RBM39: variants seen among roughly 807,000 people sequenced by gnomAD.
RBM39 encodes RNA binding motif protein 39.
RBM39 carries 12 observed loss-of-function variants against 79.6 expected under a neutral mutation model. That is an observed-to-expected ratio of 0.15 (90% CI 0.10 to 0.24). The LOEUF is 0.24. RBM39 is among the 10% of genes least tolerant of loss of function. RBM39 has a pLI of 1.00. For missense variants in RBM39, 243 were observed against 653.4 expected, an observed-to-expected ratio of 0.37 and a Z score of 6.85; for synonymous variants, 185 against 208.4, an observed-to-expected ratio of 0.89 and a Z score of 0.97.
intron 3 of RBM39, chr20:35,732,367 C>T (rs2039466061): frequency 3.7e-6 from 2 of 535,120 alleles, no homozygotes; most frequent in South Asian, 4.5e-5. Flanking sequence ...ACCAGTCTGG[C>T]CAATGTAGTG....
intron 10 of RBM39, among the ~76,000 whole-genome samples, chr20:35,714,905 T>C (rs2036912213): frequency 6.6e-6 from 1 of 152,134 alleles, no homozygotes; most frequent in South Asian, 2.1e-4. Flanking sequence ...CAATGGCTTA[T>C]CTGGAGAAAA....
At position 35,703,144 on chromosome 20, in the gene RBM39, T is replaced by TGAAGA. The variant is rs1451350789; in HGVS notation, c.*1332_*1336dup. The TGAAGA allele has an allele frequency of 2.0e-5, 3 of 152,118 alleles. No homozygotes were observed. The highest frequency in any genetic ancestry group is 7.2e-5 in the African/African-American group (3 of 41,424). 9.4% of individuals were successfully genotyped at this position (152,118 alleles called of 1,614,324 possible). A position where few individuals can be genotyped will look rare whatever the true frequency, so the allele number is the denominator to read the frequency against. ...AAAGATTTACCAAGAGATAAACAGT[T>TGAAGA]GAAGAGAATTGAGTATAAATGGTGA... On this transcript the variant is annotated 3_prime_UTR_variant, in exon 17 of 17. Transcript: ENST00000253363.
intron 3 of RBM39, chr20:35,734,792 A>T (rs1395469797): frequency 7.4e-7 from 1 of 1,360,068 alleles, no homozygotes; most frequent in Admixed American, 3.6e-5. Context: ...GAAAACTACA[A>T]GGGTGCAAGA....
At position 35,703,905 on chromosome 20, in the gene RBM39, CAT is replaced by C. The variant is rs762748651; in HGVS notation, c.*574_*575del. On this transcript the variant is annotated 3_prime_UTR_variant, in exon 17 of 17. Transcript: ENST00000253363. ...TGGAATTTTAAGACACACCAGAACA[CAT>C]AGTATTTACAAAGAAACTTTTACAG... The C allele has an allele frequency of 6.6e-6, 1 of 152,434 alleles. No individual in the cohort carries two copies. Among genetic ancestry groups the C allele is most frequent in the African/African-American group, 2.4e-5 (1 of 41,446 alleles). 9.4% of individuals were successfully genotyped at this position (152,434 alleles called of 1,614,324 possible).
chr20:35,732,296 T>C, intron 3 of RBM39, 161 bp from the exon 4 acceptor site: 2 of 615,434 alleles, frequency 3.2e-6, no homozygotes, highest in Non-Finnish European at 5.5e-6. Context: ...AAAAAAAAAA[T>C]CCTGTAATCT....
chr20:35,726,893 T>C (rs544943622), intron 6 of RBM39, among the ~76,000 whole-genome samples: 41 of 152,298 alleles, frequency 2.7e-4, no homozygotes, highest in African/African-American at 9.6e-4. Flanking sequence ...TGGTGTGATC[T>C]TGGCTCATCA....
chr20:35,706,893 G>A (rs2035797064), intron 14 of RBM39, among the ~76,000 whole-genome samples: 1 of 151,940 alleles, frequency 6.6e-6, no homozygotes, highest in Admixed American at 6.6e-5. Flanking sequence ...CAGGTGTGGT[G>A]GCGCATGCCT....
intron 15 of RBM39, 58 bp downstream of exon 15, chr20:35,705,167 C>T (rs936073832): frequency 3.0e-6 from 3 of 1,013,114 alleles, no homozygotes; most frequent in Non-Finnish European, 4.4e-6. Flanking sequence ...ACATAATGTG[C>T]GAAGATTAAG....
intron 6 of RBM39, among the ~76,000 whole-genome samples, chr20:35,728,451 TATTTTAATTAAAATA>T: frequency 6.6e-6 from 1 of 152,198 alleles, no homozygotes; most frequent in African/African-American, 2.4e-5. Flanking sequence ...GCAAAAAGTT[TATTTTAATTAAAATA>T]GGAAAATAAG....
At chr20:35,708,002 A>G in intron 13 of RBM39, 1 of 418,150 alleles carries the variant, frequency 2.4e-6, no homozygotes, top group Non-Finnish European at 4.9e-6. Flanking sequence ...GCTAAGGATA[A>G]AACAGTGCAT....
At position 35,716,825 on chromosome 20, in the gene RBM39, TTAC is replaced by T; in HGVS notation, c.826-23_826-21del. ...TTCAATCTATAATTGAAAAGCATAA[TTAC>T]TATAACTTAAAAGCAGAGTACAAAA... On this transcript the variant is annotated intron_variant, in intron 9 of 16. Coordinates refer to ENST00000253363, the MANE Select transcript of RBM39 (RefSeq NM_184234.3). The T allele has an allele frequency of 6.5e-7, 1 of 1,540,968 alleles. No individual in the cohort carries two copies. Among genetic ancestry groups the T allele is most frequent in the Non-Finnish European group, 8.9e-7 (1 of 1,125,544 alleles).
rs775386706 is a variant in RBM39, at chr20:35,714,396, GATA to G, written c.892-10_892-8del. The stretch of plus-strand genomic sequence containing the variant: ...CACATTCTGAGTCAGAAAACTACAT[GATA>G]GGGGAGGCAAGGACAGGAGACAGTG... On this transcript the variant is annotated splice_polypyrimidine_tract_variant and splice_region_variant and intron_variant, in intron 10 of 16. Transcript: ENST00000253363. 1.2e-6 allele frequency: 2 copies of G among 1,613,312 alleles called. No individual in the cohort carries two copies. The highest frequency in any genetic ancestry group is 2.7e-5 in the African/African-American group (2 of 75,026).
At position 35,717,627 on chromosome 20, in the gene RBM39, TTCAA is replaced by T. The variant is rs200844014; in HGVS notation, c.826-826_826-823del. 7.6e-3 allele frequency among the ~76,000 whole-genome samples: 1,150 copies of T among 152,280 alleles called. 12 individuals carry two copies. The highest frequency in any genetic ancestry group is 0.026 in the African/African-American group (1,082 of 41,556). On this transcript the variant is annotated intron_variant, in intron 9 of 16. Coordinates refer to ENST00000253363, the MANE Select transcript of RBM39 (RefSeq NM_184234.3). ...CTAACTAAAAACCATTGAGTTTACG[TTCAA>T]TCAGTGAACTGTAACACAATCTCCT...
At position 35,704,353 on chromosome 20, in the gene RBM39, G is replaced by A; in HGVS notation, c.*128C>T. ...CCTGTTAACATTTTTATTTTTTCAA[G>A]GTAACAGGAAATTGCATACAAATGA... On this transcript the variant is annotated 3_prime_UTR_variant, in exon 17 of 17. Transcript: ENST00000253363. 3.0e-6 allele frequency: 2 copies of A among 676,166 alleles called. No homozygotes were observed. Among genetic ancestry groups the A allele is most frequent in the Non-Finnish European group, 2.4e-6 (1 of 408,390 alleles). 41.9% of individuals were successfully genotyped at this position (676,166 alleles called of 1,614,324 possible).
Position 35,726,023 on chromosome 20 carries a change from G to A in RBM39, c.417-868C>T, listed in dbSNP as rs146576562. 4.1e-4 allele frequency among the ~76,000 whole-genome samples: 62 copies of A among 152,274 alleles called. No homozygotes were observed. The East Asian group carries it at 0.011, about 28-fold the overall frequency. Reference sequence around the variant, plus strand: ...AAAAATGCGCATAAAACTATTCAATGTAACTCAATTCCTTCTAAAAACTAA... The same window carrying A: ...AAAAATGCGCATAAAACTATTCAATATAACTCAATTCCTTCTAAAAACTAA... On this transcript the variant is annotated intron_variant, in intron 6 of 16. Coordinates refer to ENST00000253363, the MANE Select transcript of RBM39 (RefSeq NM_184234.3).
chr20:35,720,595 C>T (rs1256762587), intron 9 of RBM39, among the ~76,000 whole-genome samples: 3 of 149,920 alleles, frequency 2.0e-5, no homozygotes, highest in African/African-American at 7.4e-5. Flanking sequence ...CATGGTAAAG[C>T]CCTGTCTCTA....
chr20:35,739,091 CA>C, intron 2 of RBM39, 74 bp from the exon 3 acceptor site: 1 of 1,198,072 alleles, frequency 8.3e-7, no homozygotes, highest in Non-Finnish European at 1.2e-6. Context: ...GTAAAGGGAA[CA>C]GGAATAAGAA....
At position 35,712,996 on chromosome 20, in the gene RBM39, A is replaced by G. The variant is rs772743069; in HGVS notation, c.1174+23T>C. 7.6e-6 allele frequency: 12 copies of G among 1,581,248 alleles called. 1 individual carries two copies. In the Admixed American group the frequency reaches 7.9e-5, roughly 10 times the overall value. ...GAATTAGATGAAAAAACGATTTAAA[A>G]TTAGAAAAGATTCAATTCCTACCTG... On this transcript the variant is annotated intron_variant, in intron 12 of 16. Coordinates refer to ENST00000253363, the MANE Select transcript of RBM39 (RefSeq NM_184234.3).
rs774358237 is a variant in RBM39 at position 35,705,214 on chromosome 20, G to C, written c.1413+11C>G. On this transcript the variant is annotated intron_variant, in intron 15 of 16. Coordinates refer to ENST00000253363, the MANE Select transcript of RBM39 (RefSeq NM_184234.3). ...CAACCTAACATCATTTATAAAAAAA[G>C]ATGAAAATACCTGAGCTGAATTTTT... 1.4e-6 allele frequency: 2 copies of C among 1,464,930 alleles called. No homozygotes were observed. The highest frequency in any genetic ancestry group is 1.9e-6 in the Non-Finnish European group (2 of 1,067,766). 90.7% of individuals were successfully genotyped at this position (1,464,930 alleles called of 1,614,324 possible).
Sources: gnomAD v4.1 joint callset for allele counts (sites outside exome capture counted in the v4.1 genomes callset) on GRCh38, gnomAD v4.1.1 for gene constraint, MANE v1.5 for transcripts, NCBI Gene and HGNC (gene_info 2026-07-23, HGNC 2026-07-21) for gene names.